VPS8: variants seen among roughly 807,000 people sequenced by gnomAD.
VPS8 encodes the protein VPS8 subunit of CORVET complex, also known as vacuolar protein sorting-associated protein 8 homolog.
Under a neutral mutation model 216.4 loss-of-function variants are expected in VPS8, and 129 were observed. That is an observed-to-expected ratio of 0.60 (90% confidence interval 0.52 to 0.69). The LOEUF (loss-of-function observed/expected upper bound fraction) is 0.69. Among genes scored for constraint, VPS8 ranks in the 30% least tolerant of loss-of-function variants. The pLI is 0.00. For missense variants in VPS8, 1,531 were observed against 1,683.5 expected (o/e 0.91, Z 1.59); for synonymous variants, 571 against 565.4 (o/e 1.01, Z -0.14).
chr3:184,866,592 A>C (rs1727401632), intron 16 of VPS8, among the ~76,000 whole-genome samples: 1 of 152,232 alleles, frequency 6.6e-6, no homozygotes, highest in Admixed American at 6.5e-5. Context: ...ACTGTTTAAA[A>C]CAAAAATAAT....
intron 40 of VPS8, among the ~76,000 whole-genome samples, chr3:184,974,745 A>G (rs1748984960): frequency 6.6e-6 from 1 of 152,110 alleles, no homozygotes; most frequent in African/African-American, 2.4e-5. Context: ...ATTGTGAGAT[A>G]TAAGAGTCTA....
Position 184,925,126 on chromosome 3 carries a change from G to C in VPS8, c.2574+145G>C, listed in dbSNP as rs530811517. On this transcript the variant is annotated intron_variant, in intron 30 of 47. Coordinates refer to ENST00000625842, the MANE Select transcript of VPS8 (RefSeq NM_001009921.3). ...TGTTCAGGTTTTGGATCTAAGTTAG[G>C]GGGGTATGTGTATATGGGTGTATGG... The C allele has an allele frequency of 1.7e-4, 186 of 1,091,434 alleles. 2 individuals are homozygous for C. In the South Asian group the frequency reaches 2.7e-3, roughly 16 times the overall value. The allele number at this position is 1,091,434 out of a possible 1,614,324, so 67.6% of individuals were successfully genotyped here.
intron 25 of VPS8, chr3:184,901,473 C>T (rs1414765860): frequency 6.6e-6 from 1 of 151,484 alleles, no homozygotes; most frequent in Non-Finnish European, 1.5e-5. Context: ...AATGCTGCTA[C>T]AACATTTGTG....
chr3:184,984,194 A>AAAAAAAAAAAACAAAAAAACTCACCAAG, intron 42 of VPS8, among the ~76,000 whole-genome samples: 507 of 46,522 alleles, frequency 0.011, 114 homozygotes, highest in Middle Eastern at 0.062. Flanking sequence ...AAAAAAAAAA[A>AAAAAAAAAAAACAAAAAAACTCACCAAG]CTCTACTTCC....
intron 39 of VPS8, among the ~76,000 whole-genome samples, chr3:184,970,925 C>T (rs533602697): frequency 6.6e-6 from 1 of 152,224 alleles, no homozygotes; most frequent in East Asian, 1.9e-4. Flanking sequence ...AACAAATATT[C>T]GCAAGTTATC....
intron 40 of VPS8, among the ~76,000 whole-genome samples, chr3:184,980,790 C>T (rs994161506): frequency 6.6e-6 from 1 of 152,172 alleles, no homozygotes; most frequent in Non-Finnish European, 1.5e-5. Context: ...CATCTTCATT[C>T]CTATCCAGAT....
Position 184,999,869 on chromosome 3 carries a change from T to G in VPS8, c.4002+8T>G, listed in dbSNP as rs376856979. On this transcript the variant is annotated splice_region_variant and intron_variant, in intron 45 of 47. Transcript: ENST00000625842. ...AGGATAACCCCATCACAGGTAAGAC[T>G]TGTTTTCGTGGCAAAATGGAAATGG... The G allele has an allele frequency of 1.3e-6, 2 of 1,597,504 alleles. No homozygotes were observed. The highest frequency in any genetic ancestry group is 1.7e-6 in the Non-Finnish European group (2 of 1,173,350).
chr3:184,848,043 G>C (rs1723465385), intron 8 of VPS8, among the ~76,000 whole-genome samples: 1 of 151,974 alleles, frequency 6.6e-6, no homozygotes, highest in African/African-American at 2.4e-5. Context: ...CTCCCAAGTA[G>C]CTAGGATTAC....
chr3:184,995,685 A>G (rs1370906625), intron 43 of VPS8, among the ~76,000 whole-genome samples: 1 of 152,256 alleles, frequency 6.6e-6, no homozygotes, highest in Admixed American at 6.5e-5. Flanking sequence ...GTACAAAAAC[A>G]ATACTATATA....
intron 14 of VPS8, among the ~76,000 whole-genome samples, chr3:184,857,593 T>C (rs1458021214): frequency 6.6e-6 from 1 of 152,210 alleles, no homozygotes; most frequent in African/African-American, 2.4e-5. Context: ...ACCTTTAATG[T>C]TTCTCCTCCC....
At chr3:184,852,739 C>G (rs546255403) in intron 11 of VPS8, among the ~76,000 whole-genome samples, 172 bp downstream of exon 11, 1 of 152,262 alleles carries the variant, frequency 6.6e-6, no homozygotes, top group Admixed American at 6.5e-5. Flanking sequence ...AGTTCTGGGC[C>G]TGGTCCTCCC....
intron 22 of VPS8, among the ~76,000 whole-genome samples, chr3:184,892,835 A>C (rs1220593988): frequency 6.6e-6 from 1 of 152,140 alleles, no homozygotes; most frequent in African/African-American, 2.4e-5. Flanking sequence ...TTTTGTACTA[A>C]ACTAAAATAT....
intron 45 of VPS8, among the ~76,000 whole-genome samples, chr3:185,004,780 A>AG (rs1272693267): frequency 6.6e-6 from 1 of 151,612 alleles, no homozygotes; most frequent in African/African-American, 2.4e-5. Flanking sequence ...TTAGATCCAT[A>AG]ATTTGTGAAT....
intron 35 of VPS8, 69 bp from the exon 36 acceptor site, chr3:184,940,128 C>A: frequency 1.1e-6 from 1 of 918,294 alleles, no homozygotes; most frequent in Non-Finnish European, 1.6e-6. Flanking sequence ...TAAAGTAGTT[C>A]TTTACCATGG....
chr3:184,862,719 T>C (rs975392662), intron 15 of VPS8, among the ~76,000 whole-genome samples, 178 bp from the exon 16 acceptor site: 2 of 152,266 alleles, frequency 1.3e-5, no homozygotes, highest in Non-Finnish European at 2.9e-5. Flanking sequence ...TAGTATATTG[T>C]ACCTACTGTT....
intron 40 of VPS8, among the ~76,000 whole-genome samples, chr3:184,976,649 ATTG>A (rs1251465220): frequency 1.3e-5 from 2 of 151,976 alleles, no homozygotes; most frequent in Non-Finnish European, 2.9e-5. Flanking sequence ...CCCAGTGTCT[ATTG>A]TTCTCATTTT....
chr3:184,924,774 T>C (rs1201008583), intron 29 of VPS8, 88 bp from the exon 30 acceptor site: 4 of 1,461,770 alleles, frequency 2.7e-6, no homozygotes, highest in Admixed American at 5.3e-5. Context: ...TCTTCAGTCA[T>C]GAGGCTATCC....
intron 46 of VPS8, among the ~76,000 whole-genome samples, chr3:185,032,906 A>T (rs1206301490): frequency 1.3e-5 from 2 of 152,120 alleles, no homozygotes; most frequent in Non-Finnish European, 2.9e-5. Context: ...TGACCTCGTG[A>T]TCCGCCTGCC....
At chr3:184,949,935 T>C (rs550004942) in intron 36 of VPS8, among the ~76,000 whole-genome samples, 3 of 152,022 alleles carry the variant, frequency 2.0e-5, no homozygotes, top group African/African-American at 7.2e-5. Flanking sequence ...TGAGACAGAG[T>C]CTCTCACTGT....
Sources: allele counts gnomAD v4.1 joint callset (sites outside exome capture counted in the v4.1 genomes callset), GRCh38; gene constraint gnomAD v4.1.1; transcripts MANE v1.5; gene names NCBI Gene and HGNC (gene_info 2026-07-23, HGNC 2026-07-21).